CSMD1: variants seen among roughly 807,000 people sequenced by gnomAD.
CSMD1 encodes the protein CUB and Sushi multiple domains 1.
In CSMD1, 213 loss-of-function variants were observed where a neutral mutation model predicts 417.5. That is an observed-to-expected ratio of 0.51 (90% CI 0.46 to 0.57). CSMD1 has a LOEUF of 0.57. Among genes scored for constraint, CSMD1 ranks in the 20% least tolerant of loss-of-function variants. The probability of loss-of-function intolerance (pLI) is 0.00; values close to 1 mark genes in which losing one functional copy is unlikely to be tolerated. For missense variants in CSMD1, 6,923 were observed against 4,529.7 expected (o/e 1.53, Z -15.17); for synonymous variants, 2,862 against 1,736.8 (o/e 1.65, Z -16.11).
intron 10 of CSMD1, 47 bp downstream of exon 10, chr8:3,574,898 A>G (rs1800084222): frequency 1.9e-6 from 3 of 1,599,014 alleles, no homozygotes; most frequent in African/African-American, 1.3e-5. Flanking sequence ...TAGATCCTAT[A>G]AGAGTGCTGT....
chr8:4,824,754 T>A (rs991182931), intron 1 of CSMD1, among the ~76,000 whole-genome samples: 4 of 152,114 alleles, frequency 2.6e-5, no homozygotes, highest in African/African-American at 9.7e-5. Flanking sequence ...AACTTGTCAC[T>A]CAAAGACAAA....
At chr8:4,057,544 C>T (rs1364597039) in intron 3 of CSMD1, among the ~76,000 whole-genome samples, 1 of 152,090 alleles carries the variant, frequency 6.6e-6, no homozygotes, top group South Asian at 2.1e-4. Flanking sequence ...TTAATTAGAT[C>T]CCATTTGTCA....
intron 2 of CSMD1, among the ~76,000 whole-genome samples, chr8:4,471,757 C>CT (rs1230767493): frequency 2.6e-5 from 4 of 152,066 alleles, no homozygotes; most frequent in African/African-American, 9.7e-5. Flanking sequence ...AGACCCATTT[C>CT]TTTAGCGTCA....
intron 2 of CSMD1, among the ~76,000 whole-genome samples, chr8:4,545,248 A>G (rs367801385): frequency 2.0e-5 from 3 of 152,226 alleles, no homozygotes; most frequent in East Asian, 1.9e-4. Flanking sequence ...AGTAATGTAT[A>G]GTTACTTCAC....
chr8:3,565,276 C>T (rs1277944213), intron 10 of CSMD1, among the ~76,000 whole-genome samples: 1 of 150,820 alleles, frequency 6.6e-6, no homozygotes, highest in Admixed American at 6.6e-5. Context: ...TCTGTCAAAG[C>T]AAGTTGGCCA....
At chr8:4,739,621 G>C (rs1398180561) in intron 1 of CSMD1, among the ~76,000 whole-genome samples, 3 of 152,122 alleles carry the variant, frequency 2.0e-5, no homozygotes, top group Non-Finnish European at 4.4e-5. Context: ...CATGCTCAGT[G>C]GTTATCATGG....
intron 5 of CSMD1, among the ~76,000 whole-genome samples, chr8:3,943,349 T>C (rs1208709139): frequency 2.7e-5 from 4 of 146,114 alleles, no homozygotes; most frequent in Admixed American, 6.9e-5. Flanking sequence ...GTGAGTGAAC[T>C]CAATTTTGTT....
intron 10 of CSMD1, among the ~76,000 whole-genome samples, chr8:3,536,978 C>T (rs1042769865): frequency 4.6e-5 from 7 of 152,076 alleles, no homozygotes; most frequent in Non-Finnish European, 7.4e-5. Context: ...CATTGTGCAA[C>T]AATAGGTCAA....
intron 3 of CSMD1, among the ~76,000 whole-genome samples, chr8:4,343,924 G>C (rs937312143): frequency 1.3e-5 from 2 of 152,116 alleles, no homozygotes; most frequent in Admixed American, 1.3e-4. Context: ...ATACTGCCAA[G>C]AGAAGTGTTT....
At chr8:4,979,746 T>G (rs746335263) in intron 1 of CSMD1, among the ~76,000 whole-genome samples, 5 of 152,106 alleles carry the variant, frequency 3.3e-5, no homozygotes, top group Non-Finnish European at 7.4e-5. Flanking sequence ...ATAAAACATA[T>G]TAACTAGTTG....
intron 6 of CSMD1, among the ~76,000 whole-genome samples, chr8:3,747,884 G>A (rs940419632): frequency 2.4e-4 from 36 of 152,260 alleles, no homozygotes; most frequent in African/African-American, 8.7e-4. Flanking sequence ...TGAGTCTGAG[G>A]AAGGTCCTCA....
intron 3 of CSMD1, among the ~76,000 whole-genome samples, chr8:4,312,423 G>GCGTATATATATATGCGTATATATATA (rs1585210053): frequency 9.5e-6 from 1 of 105,128 alleles, no homozygotes; most frequent in Non-Finnish European, 1.7e-5. Context: ...ATATATATGC[G>GCGTATATATATATGCGTATATATATA]CGTATATATA....
At chr8:4,315,688 T>A (rs1053680326) in intron 3 of CSMD1, among the ~76,000 whole-genome samples, 2 of 152,162 alleles carry the variant, frequency 1.3e-5, no homozygotes, top group Non-Finnish European at 2.9e-5. Context: ...GATTATAAAA[T>A]AGCCATTGAA....
At chr8:3,623,388 G>A (rs1796350571) in intron 7 of CSMD1, among the ~76,000 whole-genome samples, 1 of 152,150 alleles carries the variant, frequency 6.6e-6, no homozygotes. Context: ...TAGATCAGGT[G>A]CCATCATGAA....
chr8:4,444,540 T>C (rs1043197692), intron 2 of CSMD1, among the ~76,000 whole-genome samples: 1 of 151,910 alleles, frequency 6.6e-6, no homozygotes, highest in African/African-American at 2.4e-5. Flanking sequence ...AACAATAATG[T>C]CCATCTTTTA....
chr8:3,341,145 G>A (rs886544837), intron 23 of CSMD1, among the ~76,000 whole-genome samples: 5 of 152,154 alleles, frequency 3.3e-5, no homozygotes, highest in African/African-American at 9.7e-5. Context: ...TCCATGTGGG[G>A]TCCAGGCAGG....
chr8:4,158,481 C>A (rs1370725738), intron 3 of CSMD1, among the ~76,000 whole-genome samples: 1 of 152,060 alleles, frequency 6.6e-6, no homozygotes, highest in East Asian at 1.9e-4. Flanking sequence ...CTAGTGCAGT[C>A]ATCAGTATGG....
chr8:3,291,794 C>CT (rs200727667), intron 25 of CSMD1, among the ~76,000 whole-genome samples: 7,516 of 151,906 alleles, frequency 0.049, 618 homozygotes, highest in African/African-American at 0.17. Flanking sequence ...GATTCATTGA[C>CT]TTTTTTAAGG....
chr8:4,245,635 G>C (rs1802659042), intron 3 of CSMD1, among the ~76,000 whole-genome samples: 1 of 152,076 alleles, frequency 6.6e-6, no homozygotes, highest in Non-Finnish European at 1.5e-5. Context: ...TCAAACCAAG[G>C]AAATCTTGAA....
Sources: gnomAD v4.1 joint callset for allele counts (sites outside exome capture counted in the v4.1 genomes callset) on GRCh38, gnomAD v4.1.1 for gene constraint, MANE v1.5 for transcripts, NCBI Gene and HGNC (gene_info 2026-07-23, HGNC 2026-07-21) for gene names.